LHFPL6: variants seen among roughly 807,000 people sequenced by gnomAD.
The protein encoded by LHFPL6 is LHFPL tetraspan subfamily member 6, also known as LHFPL tetraspan subfamily member 6 protein.
A neutral mutation model predicts 20.6 loss-of-function variants in LHFPL6; 9 were observed. The observed-to-expected ratio is 0.44, with a 90% CI of 0.26 to 0.76. The LOEUF (loss-of-function observed/expected upper bound fraction) is 0.76, where lower values mean the gene tolerates loss of function less well. LHFPL6 is among the 30% of genes least tolerant of loss of function. LHFPL6 has a pLI of 0.20. For synonymous variants in LHFPL6, 105 were observed against 98.7 expected, an observed-to-expected ratio of 1.06 and a Z score of -0.38; for missense variants, 218 against 253.5, an observed-to-expected ratio of 0.86 and a Z score of 0.95.
intron 2 of LHFPL6, among the ~76,000 whole-genome samples, chr13:39,550,562 T>C (rs1296218261): frequency 6.6e-6 from 1 of 152,138 alleles, no homozygotes; most frequent in Non-Finnish European, 1.5e-5. Context: ...CATAATACCT[T>C]TGAATTCATG....
intron 2 of LHFPL6, among the ~76,000 whole-genome samples, chr13:39,545,769 A>T (rs895931571): frequency 6.6e-6 from 1 of 152,040 alleles, no homozygotes; most frequent in African/African-American, 2.4e-5. Flanking sequence ...ACTGTATTTT[A>T]AAAATTTGTA....
intron 2 of LHFPL6, among the ~76,000 whole-genome samples, chr13:39,524,801 C>A (rs896485885): frequency 6.6e-6 from 1 of 152,080 alleles, no homozygotes; most frequent in East Asian, 1.9e-4. Context: ...AAACTAAGTG[C>A]AGAAATAATT....
chr13:39,514,525 C>T (rs1012330062), intron 2 of LHFPL6, among the ~76,000 whole-genome samples: 8 of 152,170 alleles, frequency 5.3e-5, no homozygotes, highest in Admixed American at 2.6e-4. Context: ...CACGAATGAG[C>T]ACCACAATAA....
chr13:39,411,691 GTGTGGGAA>G (rs1189886387), intron 2 of LHFPL6, among the ~76,000 whole-genome samples: 2 of 152,210 alleles, frequency 1.3e-5, no homozygotes, highest in Non-Finnish European at 2.9e-5. Context: ...TGACATATCT[GTGTGGGAA>G]TGTTATGAGT....
chr13:39,596,369 A>G (rs1872770445), intron 2 of LHFPL6, among the ~76,000 whole-genome samples: 1 of 152,166 alleles, frequency 6.6e-6, no homozygotes, highest in South Asian at 2.1e-4. Context: ...TAAATAGGAA[A>G]TGGTTAACTC....
Position 39,516,947 on chromosome 13 carries a change from C to T in LHFPL6, c.385+83885G>A, listed in dbSNP as rs150073302. 5.9e-3 allele frequency among the ~76,000 whole-genome samples: 899 copies of T among 152,250 alleles called. 3 individuals carry two copies. The highest frequency in any genetic ancestry group is 7.5e-3 in the Non-Finnish European group (507 of 68,014). On this transcript the variant is annotated intron_variant, in intron 2 of 3. Coordinates refer to ENST00000379589, the MANE Select transcript of LHFPL6 (RefSeq NM_005780.3). ...TGTAGCATTCTATTAATTTAATGCA[C>T]GCCACATGATGGTGATTAAATCTTC... is the stretch of plus-strand genomic sequence containing the variant.
chr13:39,576,793 C>T (rs5010893), intron 2 of LHFPL6, among the ~76,000 whole-genome samples: 120,064 of 152,012 alleles, frequency 0.79, 47,769 homozygotes, highest in Middle Eastern at 0.86. Context: ...ACCATCATGC[C>T]CAGCCAATTT....
chr13:39,593,769 T>A (rs1234565065), intron 2 of LHFPL6, among the ~76,000 whole-genome samples: 1 of 151,226 alleles, frequency 6.6e-6, no homozygotes, highest in East Asian at 1.9e-4. Context: ...AAAACAGAGA[T>A]ATAGATCAAT....
At chr13:39,456,447 T>G (rs1337764414) in intron 2 of LHFPL6, among the ~76,000 whole-genome samples, 2 of 152,220 alleles carry the variant, frequency 1.3e-5, no homozygotes, top group African/African-American at 4.8e-5. Context: ...TGAAGGAAAT[T>G]AAACCAAAAA....
chr13:39,555,086 A>G (rs1871264739), intron 2 of LHFPL6, among the ~76,000 whole-genome samples: 1 of 152,182 alleles, frequency 6.6e-6, no homozygotes, highest in Admixed American at 6.5e-5. Flanking sequence ...AACAAGGCCA[A>G]GTAAGCTTTT....
intron 2 of LHFPL6, among the ~76,000 whole-genome samples, chr13:39,510,718 C>G (rs1039188726): frequency 6.6e-6 from 1 of 151,950 alleles, no homozygotes; most frequent in Non-Finnish European, 1.5e-5. Context: ...GGAAATATTA[C>G]AGAAATTTAC....
At chr13:39,489,308 G>A (rs1454286520) in intron 2 of LHFPL6, among the ~76,000 whole-genome samples, 2 of 152,080 alleles carry the variant, frequency 1.3e-5, no homozygotes, top group Non-Finnish European at 2.9e-5. Flanking sequence ...TCTCTTTGCT[G>A]GAGCACGAAC....
chr13:39,416,419 C>T lies in LHFPL6; in HGVS notation c.386-37893G>A, dbSNP rs142073616. 2.0e-5 allele frequency among the ~76,000 whole-genome samples: 3 copies of T among 151,756 alleles called. No homozygotes were observed. The East Asian group carries it at 5.8e-4, about 29-fold the overall frequency. The stretch of plus-strand genomic sequence containing the variant: ...CATTATATTAGGCCAATTCATTCTC[C>T]AGTTCATTTACTCTATGTTTTCCCC... On this transcript the variant is annotated intron_variant, in intron 2 of 3. Transcript: ENST00000379589.
intron 2 of LHFPL6, among the ~76,000 whole-genome samples, chr13:39,535,272 C>G (rs774940723): frequency 6.6e-6 from 1 of 152,198 alleles, no homozygotes; most frequent in Non-Finnish European, 1.5e-5. Flanking sequence ...TTGTGAGAGG[C>G]AATTCAACCT....
intron 2 of LHFPL6, among the ~76,000 whole-genome samples, chr13:39,402,637 G>T (rs558984658): frequency 6.6e-6 from 1 of 152,254 alleles, no homozygotes; most frequent in African/African-American, 2.4e-5. Flanking sequence ...CAGGATCACA[G>T]GCTCCATCTG....
intron 3 of LHFPL6, among the ~76,000 whole-genome samples, chr13:39,378,148 A>G (rs9576780): frequency 0.14 from 20,553 of 152,242 alleles, 1,573 homozygotes; most frequent in East Asian, 0.24. Flanking sequence ...TAAAAAATAC[A>G]TGATTTTGAA....
At position 39,530,454 on chromosome 13, in the gene LHFPL6, A is replaced by T. The variant is rs186528690; in HGVS notation, c.385+70378T>A. Among the ~76,000 whole-genome samples, 83 of 152,096 alleles carry T rather than the reference A, an allele frequency of 5.5e-4. 1 individual carries two copies. Among genetic ancestry groups the T allele is most frequent in the African/African-American group, 1.6e-3 (67 of 41,504 alleles). On this transcript the variant is annotated intron_variant, in intron 2 of 3. Coordinates refer to ENST00000379589, the MANE Select transcript of LHFPL6 (RefSeq NM_005780.3). ...GGGCTTGAACTTAATTCCACTGGGT[A>T]TGAGGAGACGTTCTGTTACCGGAGA...
At chr13:39,477,871 A>G (rs1424744672) in intron 2 of LHFPL6, among the ~76,000 whole-genome samples, 1 of 152,208 alleles carries the variant, frequency 6.6e-6, no homozygotes, top group East Asian at 1.9e-4. Flanking sequence ...CTAATAAATA[A>G]TGATGGTGTC....
intron 2 of LHFPL6, among the ~76,000 whole-genome samples, chr13:39,385,460 A>C (rs958973475): frequency 6.6e-6 from 1 of 152,278 alleles, no homozygotes; most frequent in Non-Finnish European, 1.5e-5. Context: ...TGCTGTGATG[A>C]AAGTCTGTTC....
Sources: allele counts gnomAD v4.1 joint callset (sites outside exome capture counted in the v4.1 genomes callset), GRCh38; gene constraint gnomAD v4.1.1; transcripts MANE v1.5; gene names NCBI Gene and HGNC (gene_info 2026-07-23, HGNC 2026-07-21).